The following TAF1C variants were observed in gnomAD, a reference collection of about 807,000 sequenced individuals.
TAF1C encodes the protein TATA-box binding protein associated factor, RNA polymerase I subunit C.
TAF1C carries 79 observed loss-of-function variants against 70.5 expected under a neutral mutation model. That is an observed-to-expected ratio of 1.12 (90% CI 0.93 to 1.35). The LOEUF (loss-of-function observed/expected upper bound fraction) is 1.35, where lower values mean the gene tolerates loss of function less well. Among genes scored for constraint, TAF1C ranks in the 40% most tolerant of loss-of-function variants. The pLI, the probability that TAF1C is intolerant of heterozygous loss-of-function variation, is 0.00. For synonymous variants in TAF1C, 614 were observed against 491.1 expected (o/e 1.25, Z -3.31); for missense variants, 1,412 against 1,127.8 (o/e 1.25, Z -3.61).
chr16:84,181,976 G>C lies in TAF1C; in HGVS notation c.804C>G (p.Val268=), dbSNP rs368016246. ...GGACGGTGCATGTCACCACTTGCCG[G>C]ACAGGTCCCTGGAGCTGGATGCGTC... ...KPGRIQLQGP[V]RQVVTCTVQG... is the part of the protein sequence containing the mutation. Residue 268 remains valine (V), a synonymous_variant, in exon 8 of 15, where the codon GTC becomes GTG. Coordinates refer to ENST00000566732, the MANE Select transcript of TAF1C (RefSeq NM_001243156.2). The C allele has an allele frequency of 1.9e-5, 31 of 1,613,746 alleles. No individual in the cohort carries two copies. Among genetic ancestry groups the C allele is most frequent in the Admixed American group, 5.0e-5 (3 of 60,006 alleles).
Position 84,182,171 on chromosome 16 carries a change from C to G in TAF1C, c.721+31G>C. On this transcript the variant is annotated intron_variant, in intron 7 of 14. Transcript: ENST00000566732. The surrounding 1 kb of genome is among the most constrained non-coding windows in gnomAD (Gnocchi z 5.0). ...ACCTCCTCTACCAGAGGCGAGCCCGCTGGAATCTCCTGTCTCGCAAGAAAG... is the reference window on the plus strand; with the variant it reads ...ACCTCCTCTACCAGAGGCGAGCCCGGTGGAATCTCCTGTCTCGCAAGAAAG... The G allele has an allele frequency of 6.3e-7, 1 of 1,596,738 alleles. No individual in the cohort carries two copies. The highest frequency in any genetic ancestry group is 8.6e-7 in the Non-Finnish European group (1 of 1,169,486).
Position 84,180,363 on chromosome 16 carries a change from G to A in TAF1C, c.1309-19C>T, listed in dbSNP as rs186016606. 4 of 1,531,478 alleles carry A rather than the reference G, an allele frequency of 2.6e-6. No homozygotes were observed. Among genetic ancestry groups the A allele is most frequent in the South Asian group, 1.2e-5 (1 of 83,232 alleles). The allele number at this position is 1,531,478 out of a possible 1,614,324, so 94.9% of individuals were successfully genotyped here. A position where few individuals can be genotyped will look rare whatever the true frequency, so the allele number is the denominator to read the frequency against. Reference sequence around the variant, plus strand: ...GAGAGAACTGGGGCCCGAGAAGGAAGGGGGATGTGGCCGAACTTGGGAGCT... The same window carrying A: ...GAGAGAACTGGGGCCCGAGAAGGAAAGGGGATGTGGCCGAACTTGGGAGCT... On this transcript the variant is annotated intron_variant, in intron 12 of 14. Coordinates refer to ENST00000566732, the MANE Select transcript of TAF1C (RefSeq NM_001243156.2).
At chr16:84,184,822 C>A in intron 2 of TAF1C, 29 bp downstream of exon 2, 3 of 1,574,622 alleles carry the variant, frequency 1.9e-6, no homozygotes, top group Non-Finnish European at 2.6e-6. Context: ...GTCCCTGGAG[C>A]TGCCAGGGCC....
intron 12 of TAF1C, chr16:84,180,700 G>A (rs1319572115): frequency 1.1e-6 from 1 of 898,538 alleles, no homozygotes; most frequent in African/African-American, 1.7e-5. Flanking sequence ...CCCCGGGAGG[G>A]CGGGTGGAGG....
rs2088857171 is a variant in TAF1C, at chr16:84,178,288, G to A, written c.*653C>T. On this transcript the variant is annotated 3_prime_UTR_variant, in exon 15 of 15. Coordinates refer to ENST00000566732, the MANE Select transcript of TAF1C (RefSeq NM_001243156.2). ...CCAGACCCATGTCCCAAGGGAGAAG[G>A]AACATCAGCCATCATCTCTCTGCAT... The A allele has an allele frequency of 2.2e-6, 1 of 456,034 alleles. No homozygotes were observed. Among genetic ancestry groups the A allele is most frequent in the Admixed American group, 2.4e-5 (1 of 42,542 alleles). The allele number at this position is 456,034 out of a possible 1,614,324, so 28.2% of individuals were successfully genotyped here. A position where few individuals can be genotyped will look rare whatever the true frequency, so the allele number is the denominator to read the frequency against.
intron 2 of TAF1C, 124 bp downstream of exon 2, chr16:84,184,727 T>A: frequency 8.0e-7 from 1 of 1,248,546 alleles, no homozygotes; most frequent in Non-Finnish European, 1.1e-6. Flanking sequence ...GCAGAGCCTG[T>A]GTCTCAGCAG....
At chr16:84,181,270 C>T in intron 11 of TAF1C, 58 bp downstream of exon 11, 1 of 1,605,838 alleles carries the variant, frequency 6.2e-7, no homozygotes. Context: ...CAGCCTGGGA[C>T]TCACCGCTCT....
rs147238297 is a variant in TAF1C at position 84,179,769 on chromosome 16, G to C, written c.1704C>G (p.Val568=). 5,719 of 1,609,658 alleles carry C rather than the reference G, an allele frequency of 3.6e-3. 19 individuals carry two copies. The highest frequency in any genetic ancestry group is 0.02 in the Middle Eastern group (121 of 6,054). ...CCTGGGGGCGGAGCTGCTGGTAGAA[G>C]ACATCTCCCGCCGCCGAGAGCTGGA... ...VLFQLSAAGD[V]FYQQLRPQVD... is the part of the protein sequence containing the mutation. Residue 568 remains valine, a synonymous_variant, in exon 15 of 15, where the codon GTC becomes GTG. Transcript: ENST00000566732.
Position 84,181,429 on chromosome 16 carries a change from CGAG to C in TAF1C, c.1060_1062del (p.Leu354del). The C allele has an allele frequency of 6.2e-7, 1 of 1,613,812 alleles. No homozygotes were observed. The highest frequency in any genetic ancestry group is 8.5e-7 in the Non-Finnish European group (1 of 1,180,000). ...CGCCACGAAGAGGAGTCCCGGAACA[CGAG>C]GGTCTCAGGGTCCCTGTAGATTTGC... On this transcript the variant is annotated inframe_deletion, in exon 11 of 15. Coordinates refer to ENST00000566732, the MANE Select transcript of TAF1C (RefSeq NM_001243156.2).
chr16:84,181,521 G>A, intron 10 of TAF1C, 58 bp from the exon 11 acceptor site: 1 of 1,613,730 alleles, frequency 6.2e-7, no homozygotes. Context: ...AGGGGCTCAA[G>A]GGTCGCGACA....
At position 84,182,122 on chromosome 16, in the gene TAF1C, C is replaced by T. The variant is rs2089234634; in HGVS notation, c.722-64G>A. On this transcript the variant is annotated intron_variant, in intron 7 of 14. Coordinates refer to ENST00000566732, the MANE Select transcript of TAF1C (RefSeq NM_001243156.2). The surrounding 1 kb of genome is among the most constrained non-coding windows in gnomAD (Gnocchi z 5.0). ...CACTGCAAGCCCCCCAAATTCCTGC[C>T]CTTCTCTGGACCATGCCAAGAGCAC... 1.9e-6 allele frequency: 3 copies of T among 1,592,512 alleles called. No individual in the cohort carries two copies. The highest frequency in any genetic ancestry group is 1.7e-5 in the Admixed American group (1 of 58,802).
intron 1 of TAF1C, among the ~76,000 whole-genome samples, chr16:84,185,895 C>A (rs1394673808): frequency 1.3e-5 from 2 of 151,050 alleles, no homozygotes; most frequent in African/African-American, 4.9e-5. Flanking sequence ...AGCGAAACTC[C>A]ATCTCAAGAA....
At position 84,178,938 on chromosome 16, in the gene TAF1C, T is replaced by C; in HGVS notation, c.*3A>G. 1.3e-6 allele frequency: 2 copies of C among 1,589,606 alleles called. No individual in the cohort carries two copies. The highest frequency in any genetic ancestry group is 2.3e-5 in the South Asian group (2 of 87,106). On this transcript the variant is annotated 3_prime_UTR_variant, in exon 15 of 15. Coordinates refer to ENST00000566732, the MANE Select transcript of TAF1C (RefSeq NM_001243156.2). ...GGGCTTGAGGGCAGCCCACCTTGTG[T>C]CCTCAGAAGCCCATTCGAGGCTTCT...
At chr16:84,184,729 T>A in intron 2 of TAF1C, 122 bp downstream of exon 2, 2 of 1,269,904 alleles carry the variant, frequency 1.6e-6, no homozygotes, top group Non-Finnish European at 1.1e-6. Context: ...AGAGCCTGTG[T>A]CTCAGCAGAC....
chr16:84,183,822 C>CAGGGAGGGCAT, intron 2 of TAF1C, 44 bp from the exon 3 acceptor site: 1 of 1,482,074 alleles, frequency 6.7e-7, no homozygotes, highest in Non-Finnish European at 9.3e-7. Context: ...GATGAATGCC[C>CAGGGAGGGCAT]TCCCTGGGCC....
In TAF1C at chr16:84,181,171, C is replaced by T; in HGVS notation, c.1180G>A (p.Gly394Ser). 1 of 1,609,384 alleles carries T rather than the reference C, an allele frequency of 6.2e-7. No homozygotes were observed. Among genetic ancestry groups the T allele is most frequent in the Non-Finnish European group, 8.5e-7 (1 of 1,176,210 alleles). The change falls in exon 12 of 15, where the codon GGT becomes AGT. Residue 394 changes from glycine to serine, a missense_variant. Gly to Ser is a moderately conservative substitution (Grantham distance 56). Transcript: ENST00000566732. ...GCCCCCAAACGAAAAAGCAACAGAC[C>T]ACAGCCCGGCGGGCCCTGGAAGATA... Reference protein sequence around the residue: ...MLDTQGPPGCGLLLFRLGAEA... With the variant: ...MLDTQGPPGCSLLLFRLGAEA...
Position 84,182,698 on chromosome 16 carries a change from CT to C in TAF1C, c.483-259del, listed in dbSNP as rs1449055954. On this transcript the variant is annotated intron_variant, in intron 6 of 14. Coordinates refer to ENST00000566732, the MANE Select transcript of TAF1C (RefSeq NM_001243156.2). This position sits in a 1 kb window ranked among gnomAD's most constrained non-coding sequence, Gnocchi z 5.0. The stretch of plus-strand genomic sequence containing the variant: ...GACCCAAGCCAAGCCAACCAAAGTC[CT>C]TTCTGGGACTTCTGGTGCCGCAGGA... Among the ~76,000 whole-genome samples the C allele has an allele frequency of 6.6e-6, 1 of 152,204 alleles. No individual in the cohort carries two copies. Among genetic ancestry groups the C allele is most frequent in the Non-Finnish European group, 1.5e-5 (1 of 68,034 alleles).
rs1422269030 is a variant in TAF1C, at chr16:84,181,942, T to C, written c.838A>G (p.Thr280Ala). Residue 280 changes from threonine (T) to alanine (A), a missense_variant and splice_region_variant, in exon 8 of 15, where the codon ACT (threonine) becomes GCT (alanine). Transcript: ENST00000566732. Reference sequence around the variant, plus strand: ...AGGAAAGTGTATATAAGGGCCTTACTTTCTCCCTGGACGGTGCATGTCACC... The same window carrying C: ...AGGAAAGTGTATATAAGGGCCTTACCTTCTCCCTGGACGGTGCATGTCACC... ...QVVTCTVQGE[T>A]LLAVRSDYHC... 10 of 1,613,866 alleles carry C rather than the reference T, an allele frequency of 6.2e-6. No individual in the cohort carries two copies. Among genetic ancestry groups the C allele is most frequent in the Non-Finnish European group, 8.5e-6 (10 of 1,180,012 alleles).
In TAF1C at chr16:84,182,222, C is replaced by A. The variant is rs1380077099; in HGVS notation, c.701G>T (p.Gly234Val). The A allele has an allele frequency of 6.2e-7, 1 of 1,611,794 alleles. No homozygotes were observed. Among genetic ancestry groups the A allele is most frequent in the Admixed American group, 1.7e-5 (1 of 59,964 alleles). The change falls in exon 7 of 15, where the codon GGA (glycine) becomes GTA (valine). Residue 234 changes from glycine to valine, a missense_variant. By Grantham distance (109) the Gly-to-Val change is moderately radical. Transcript: ENST00000566732. This position sits in a 1 kb window ranked among gnomAD's most constrained non-coding sequence, Gnocchi z 5.0. ...GATACGCAGCCTGTCCTGGGCGCCT[C>A]CAGCAGGGTAGACCAGCTGCCCGAA... ...PQFGQLVYPA[G>V]GAQDRLHFQE...
Sources: allele counts gnomAD v4.1 joint callset (sites outside exome capture counted in the v4.1 genomes callset), GRCh38; gene constraint gnomAD v4.1.1; non-coding constraint Gnocchi (gnomAD v3.1); transcripts MANE v1.5; gene names NCBI Gene and HGNC (gene_info 2026-07-23, HGNC 2026-07-21).